The following RCN2 variants were observed in gnomAD, a reference collection of about 807,000 sequenced individuals.
The protein encoded by RCN2 is reticulocalbin-2.
Under a neutral mutation model 37.5 loss-of-function variants are expected in RCN2, and 23 were observed. That is an observed-to-expected ratio of 0.61 (90% CI 0.44 to 0.87). The LOEUF (loss-of-function observed/expected upper bound fraction) is 0.87, where lower values mean the gene tolerates loss of function less well. RCN2 is among the 40% of genes least tolerant of loss of function. The pLI, the probability that RCN2 is intolerant of heterozygous loss-of-function variation, is 0.00. For synonymous variants in RCN2, 140 were observed against 144.6 expected, an observed-to-expected ratio of 0.97 and a Z score of 0.23; for missense variants, 381 against 390.4, an observed-to-expected ratio of 0.98 and a Z score of 0.20.
intron 4 of RCN2, 113 bp downstream of exon 4, chr15:76,943,984 C>CTTTTTTTT (rs11361216): frequency 1.1e-5 from 1 of 94,554 alleles, no homozygotes; most frequent in Non-Finnish European, 2.0e-5. Context: ...ATACATGAGA[C>CTTTTTTTT]TTTTTTTTTT....
intron 3 of RCN2, among the ~76,000 whole-genome samples, chr15:76,939,610 G>C (rs1596004048): frequency 6.6e-6 from 1 of 152,166 alleles, no homozygotes; most frequent in Non-Finnish European, 1.5e-5. Context: ...TGAGATTTGG[G>C]ATCATCTGTC....
Position 76,949,101 on chromosome 15 carries a change from A to G in RCN2, c.833A>G (p.Asn278Ser). 6.2e-7 allele frequency: 1 copy of G among 1,609,282 alleles called. No individual in the cohort carries two copies. Among genetic ancestry groups the G allele is most frequent in the Non-Finnish European group, 8.5e-7 (1 of 1,178,556 alleles). The change falls in exon 7 of 7, where the codon AAT becomes AGT. Residue 278 changes from asparagine (N) to serine (S), a missense_variant. Coordinates refer to ENST00000394885, the MANE Select transcript of RCN2 (RefSeq NM_002902.3). ...CATCTAATTGATGAAATGGATTTGA[A>G]TGGTGACAAAAAGCTCTCTGAAGAA... is the stretch of plus-strand genomic sequence containing the variant. ...ALHLIDEMDL[N>S]GDKKLSEEEI...
At chr15:76,945,034 G>A (rs1294836148) in intron 4 of RCN2, among the ~76,000 whole-genome samples, 1 of 152,198 alleles carries the variant, frequency 6.6e-6, no homozygotes, top group African/African-American at 2.4e-5. Context: ...TTGTTAAAAT[G>A]AATTGTATAA....
rs1316788278 is a variant in RCN2, at chr15:76,949,646, GGTTTAGCATTTT to G, written c.*430_*441del. The G allele has an allele frequency of 6.5e-6, 1 of 152,842 alleles. No individual in the cohort carries two copies. The highest frequency in any genetic ancestry group is 1.5e-5 in the Non-Finnish European group (1 of 68,238). The allele number at this position is 152,842 out of a possible 1,614,324, so 9.5% of individuals were successfully genotyped here. A position where few individuals can be genotyped will look rare whatever the true frequency, so the allele number is the denominator to read the frequency against. On this transcript the variant is annotated 3_prime_UTR_variant, in exon 7 of 7. Transcript: ENST00000394885. ...GGGAACTGACAGGACAATGTTTTTA[GGTTTAGCATTTT>G]GTTTAAAAACCTTTAAAGAAACCTT...
intron 4 of RCN2, 47 bp downstream of exon 4, chr15:76,943,918 TA>T (rs201311990): frequency 3.8e-6 from 4 of 1,049,462 alleles, no homozygotes; most frequent in South Asian, 1.5e-5. Flanking sequence ...ACCAAAACTT[TA>T]AAAAAATATA....
intron 3 of RCN2, among the ~76,000 whole-genome samples, chr15:76,939,767 A>G (rs1463725184): frequency 6.6e-6 from 1 of 152,190 alleles, no homozygotes; most frequent in Non-Finnish European, 1.5e-5. Flanking sequence ...CTGGAATTAG[A>G]TTCTAATTAT....
chr15:76,932,015 C>T, intron 1 of RCN2, 30 bp downstream of exon 1: 1 of 1,242,944 alleles, frequency 8.0e-7, no homozygotes, highest in Non-Finnish European at 1.0e-6. Context: ...GCTGGGAGGG[C>T]CGGGCCTCGC....
At chr15:76,934,023 A>G (rs2075236315) in intron 2 of RCN2, among the ~76,000 whole-genome samples, 1 of 152,244 alleles carries the variant, frequency 6.6e-6, no homozygotes, top group Non-Finnish European at 1.5e-5. Flanking sequence ...TTTGAAGATT[A>G]GAGGCAACAT....
rs71143379 is a variant in RCN2, at chr15:76,953,593, A to ATTTTTTTTT, written c.*4395_*4403dup. 2.0e-4 allele frequency: 2 copies of ATTTTTTTTT among 9,840 alleles called. No individual in the cohort carries two copies. The highest frequency in any genetic ancestry group is 3.4e-4 in the African/African-American group (1 of 2,976). The allele number at this position is 9,840 out of a possible 1,614,324, so 0.6% of individuals were successfully genotyped here. On this transcript the variant is annotated 3_prime_UTR_variant, in exon 7 of 7. Transcript: ENST00000394885. ...TATATATATATATATATATATATAT[A>ATTTTTTTTT]TTTTTTTTTTTTTTTTTTTTTTTTT...
chr15:76,947,412 G>A lies in RCN2; in HGVS notation c.562-9G>A, dbSNP rs749115115. 10 of 1,551,482 alleles carry A rather than the reference G, an allele frequency of 6.4e-6. No homozygotes were observed. Among genetic ancestry groups the A allele is most frequent in the African/African-American group, 1.4e-5 (1 of 71,850 alleles). ...CTTTTTTTTTTCTTTTTTAATGAAC[G>A]TGGAATAGGAATTTGTCATTCAAGA... On this transcript the variant is annotated splice_polypyrimidine_tract_variant and intron_variant, in intron 4 of 6. Transcript: ENST00000394885.
At chr15:76,944,571 A>G (rs2075289781) in intron 4 of RCN2, among the ~76,000 whole-genome samples, 1 of 152,050 alleles carries the variant, frequency 6.6e-6, no homozygotes, top group Non-Finnish European at 1.5e-5. Context: ...TATGTCCATG[A>G]GTTCAATTGT....
chr15:76,932,519 C>T, intron 2 of RCN2, 53 bp downstream of exon 2: 1 of 1,229,342 alleles, frequency 8.1e-7, no homozygotes, highest in Non-Finnish European at 1.2e-6. Flanking sequence ...ATATGTTAAG[C>T]AGCGGTGTCT....
At chr15:76,933,807 G>A (rs2075235392) in intron 2 of RCN2, among the ~76,000 whole-genome samples, 1 of 152,104 alleles carries the variant, frequency 6.6e-6, no homozygotes, top group African/African-American at 2.4e-5. Context: ...TTCTACTTGA[G>A]GACCCTTAAG....
At chr15:76,943,656 T>G in intron 3 of RCN2, 102 bp from the exon 4 acceptor site, 34 of 639,556 alleles carry the variant, frequency 5.3e-5, no homozygotes, top group Non-Finnish European at 7.5e-5. Context: ...TGAAGATAAA[T>G]GAGATAACGG....
Position 76,932,304 on chromosome 15 carries a change from C to A in RCN2, c.145-57C>A, listed in dbSNP as rs1279406690. The A allele has an allele frequency of 3.7e-6, 5 of 1,364,460 alleles. No homozygotes were observed. The Admixed American group carries it at 5.3e-5, about 15-fold the overall frequency. The allele number at this position is 1,364,460 out of a possible 1,614,324, so 84.5% of individuals were successfully genotyped here. A position where few individuals can be genotyped will look rare whatever the true frequency, so the allele number is the denominator to read the frequency against. ...TTCTAGTAGCCCTGTTTTTCTCCAC[C>A]ATTTTGCCCCACTGATAGTAATGCT... On this transcript the variant is annotated intron_variant, in intron 1 of 6. Coordinates refer to ENST00000394885, the MANE Select transcript of RCN2 (RefSeq NM_002902.3).
chr15:76,942,891 C>T (rs1227283602), intron 3 of RCN2: 8 of 152,200 alleles, frequency 5.3e-5, no homozygotes, highest in South Asian at 2.1e-4. Context: ...TTCAGTAAGC[C>T]GAGATTGCAC....
chr15:76,947,430 A>C lies in RCN2; in HGVS notation c.571A>C (p.Ile191Leu). 3 of 1,588,600 alleles carry C rather than the reference A, an allele frequency of 1.9e-6. No individual in the cohort carries two copies. Among genetic ancestry groups the C allele is most frequent in the Non-Finnish European group, 1.7e-6 (2 of 1,169,968 alleles). The change falls in exon 5 of 7, where the codon ATT becomes CTT. Residue 191 changes from isoleucine to leucine, a missense_variant. By Grantham distance (5) the Ile-to-Leu change is conservative. Transcript: ENST00000394885. The part of the protein sequence containing the change: ...EEVDYMTEFV[I>L]QEALEEHDKN... ...AATGAACGTGGAATAGGAATTTGTC[A>C]TTCAAGAAGCTTTAGAAGAACATGA...
chr15:76,954,041 T>C lies in RCN2; in HGVS notation c.*4819T>C, dbSNP rs955634876. On this transcript the variant is annotated 3_prime_UTR_variant, in exon 7 of 7. Transcript: ENST00000394885. Reference sequence around the variant, plus strand: ...CTTACCAACACTTGCTATTTTCTGTTTTTTTTTTTTTCTTTTTTTTTTTTA... The same window carrying C: ...CTTACCAACACTTGCTATTTTCTGTCTTTTTTTTTTTCTTTTTTTTTTTTA... The C allele has an allele frequency of 2.0e-5, 1 of 50,192 alleles. No individual in the cohort carries two copies. Among genetic ancestry groups the C allele is most frequent in the African/African-American group, 3.7e-5 (1 of 26,770 alleles). 3.1% of individuals were successfully genotyped at this position (50,192 alleles called of 1,614,324 possible).
chr15:76,946,201 A>G (rs2075295989), intron 4 of RCN2, among the ~76,000 whole-genome samples: 1 of 152,238 alleles, frequency 6.6e-6, no homozygotes, highest in Non-Finnish European at 1.5e-5. Context: ...CACACCTGTA[A>G]TCCCAGCACT....
Sources: allele counts gnomAD v4.1 joint callset (sites outside exome capture counted in the v4.1 genomes callset), GRCh38; gene constraint gnomAD v4.1.1; transcripts MANE v1.5; gene names NCBI Gene and HGNC (gene_info 2026-07-23, HGNC 2026-07-21).